GRK3: variants seen among roughly 807,000 people sequenced by gnomAD.
GRK3 encodes the protein G protein-coupled receptor kinase 3, also known as adrenergic, beta, receptor kinase 2.
In GRK3, 54 loss-of-function variants were observed where a neutral mutation model predicts 95.7. That is an observed-to-expected ratio of 0.56 (90% CI 0.45 to 0.71). The LOEUF is 0.71. Among genes scored for constraint, GRK3 ranks in the 30% least tolerant of loss-of-function variants. The pLI, the probability that GRK3 is intolerant of heterozygous loss-of-function variation, is 0.00. For synonymous variants in GRK3, 281 were observed against 290.8 expected (o/e 0.97, Z 0.34); for missense variants, 649 against 851.2 (o/e 0.76, Z 2.96).
chr22:25,703,720 CAAAT>C (rs1352305183), intron 14 of GRK3, 144 bp downstream of exon 14: 12 of 581,762 alleles, frequency 2.1e-5, no homozygotes, highest in Non-Finnish European at 3.2e-5. Context: ...TTTCTTGAAA[CAAAT>C]AAATGCAGAT....
At position 25,726,484 on chromosome 22, in the gene GRK3, AT is replaced by A. The variant is rs2085474991; in HGVS notation, c.*4036del. On this transcript the variant is annotated 3_prime_UTR_variant, in exon 21 of 21. Coordinates refer to ENST00000324198, the MANE Select transcript of GRK3 (RefSeq NM_005160.4). ...TGTGTCATTCAGAGATGCTTGATGA[AT>A]TAACACCTCCCACCCTGAGTGAGGG... The A allele has an allele frequency of 6.6e-6, 1 of 152,166 alleles. No individual in the cohort carries two copies. The highest frequency in any genetic ancestry group is 2.1e-4 in the South Asian group (1 of 4,822). 9.4% of individuals were successfully genotyped at this position (152,166 alleles called of 1,614,324 possible).
chr22:25,722,406 C>T lies in GRK3; in HGVS notation c.2023C>T (p.Leu675Phe). ...CAAACCTCGGTCAGGTACTGTGGAGCTCCCAAAGCCATCCCTCTGTCACAG... is the reference window on the plus strand; with the variant it reads ...CAAACCTCGGTCAGGTACTGTGGAGTTCCCAAAGCCATCCCTCTGTCACAG... ...LNKPRSGTVE[L>F]PKPSLCHRNS... The change falls in exon 21 of 21, where the codon CTC becomes TTC. Residue 675 changes from leucine to phenylalanine, a missense_variant. Leu to Phe is a conservative substitution (Grantham distance 22). Coordinates refer to ENST00000324198, the MANE Select transcript of GRK3 (RefSeq NM_005160.4). The T allele has an allele frequency of 6.2e-7, 1 of 1,614,192 alleles. No homozygotes were observed.
chr22:25,566,660 G>GA (rs1246774846), intron 1 of GRK3, among the ~76,000 whole-genome samples: 2 of 152,006 alleles, frequency 1.3e-5, no homozygotes, highest in Non-Finnish European at 1.5e-5. Context: ...GAAGCTAATT[G>GA]AAAAAAATCA....
At chr22:25,694,629 G>A (rs561922240) in intron 12 of GRK3, among the ~76,000 whole-genome samples, 2 of 152,258 alleles carry the variant, frequency 1.3e-5, no homozygotes, top group East Asian at 3.9e-4. Flanking sequence ...CCATGACCAA[G>A]CCGATGCCCC....
At chr22:25,667,631 T>C in intron 5 of GRK3, 108 bp from the exon 6 acceptor site, 1 of 708,582 alleles carries the variant, frequency 1.4e-6, no homozygotes, top group South Asian at 1.7e-5. Context: ...CACAATGCTA[T>C]GGGGAGTGCA....
chr22:25,643,689 C>T (rs760988794), intron 2 of GRK3, among the ~76,000 whole-genome samples: 12 of 152,208 alleles, frequency 7.9e-5, no homozygotes, highest in Non-Finnish European at 1.5e-4. Flanking sequence ...ATCTAGGCGT[C>T]ACCATTAGGC....
chr22:25,576,842 A>G (rs1931919744), intron 1 of GRK3, among the ~76,000 whole-genome samples: 1 of 152,232 alleles, frequency 6.6e-6, no homozygotes, highest in Admixed American at 6.5e-5. Flanking sequence ...TCATTCAGTA[A>G]AGATTATCCA....
Position 25,716,152 on chromosome 22 carries a change from A to AT in GRK3, c.1654+1591dup, listed in dbSNP as rs544233256. The stretch of plus-strand genomic sequence containing the variant: ...CAGGCGCCCACCACCACGCCTGGCT[A>AT]TTTTTTTTTGTATTTTTAGTAGAGA... On this transcript the variant is annotated intron_variant, in intron 18 of 20. Coordinates refer to ENST00000324198, the MANE Select transcript of GRK3 (RefSeq NM_005160.4). 4.7e-3 allele frequency among the ~76,000 whole-genome samples: 700 copies of AT among 150,516 alleles called. 8 individuals are homozygous for AT. The highest frequency in any genetic ancestry group is 0.031 in the Middle Eastern group (9 of 292).
chr22:25,618,874 A>C (rs1432306170), intron 2 of GRK3, among the ~76,000 whole-genome samples: 1 of 152,106 alleles, frequency 6.6e-6, no homozygotes, highest in Non-Finnish European at 1.5e-5. Flanking sequence ...CTCTAGGCCA[A>C]GAGCCAGCTC....
Position 25,688,652 on chromosome 22 carries a change from G to A in GRK3, c.957+985G>A, listed in dbSNP as rs146914164. On this transcript the variant is annotated intron_variant, in intron 11 of 20. Coordinates refer to ENST00000324198, the MANE Select transcript of GRK3 (RefSeq NM_005160.4). ...CTGTGAGAGCTCACTCACCTTGAAAGCAATGATATAGGAGTATTCTGAGTT... is the reference window on the plus strand; with the variant it reads ...CTGTGAGAGCTCACTCACCTTGAAAACAATGATATAGGAGTATTCTGAGTT... Among the ~76,000 whole-genome samples the A allele has an allele frequency of 3.1e-3, 465 of 152,354 alleles. 4 individuals carry two copies. The highest frequency in any genetic ancestry group is 0.01 in the African/African-American group (424 of 41,590).
At chr22:25,622,877 G>C (rs1349033036) in intron 2 of GRK3, among the ~76,000 whole-genome samples, 2 of 152,174 alleles carry the variant, frequency 1.3e-5, no homozygotes, top group African/African-American at 2.4e-5. Context: ...GCCATAGTTT[G>C]GGGGTAAGTG....
rs542086916 is a variant in GRK3 at position 25,693,774 on chromosome 22, CTTTTT to C, written c.1053-1315_1053-1311del. 6.2e-5 allele frequency among the ~76,000 whole-genome samples: 7 copies of C among 112,848 alleles called. No individual in the cohort carries two copies. The South Asian group carries it at 9.4e-4, about 15-fold the overall frequency. The allele number at this position is 112,848 out of a possible 152,430, so 74.0% of individuals were successfully genotyped here. On this transcript the variant is annotated intron_variant, in intron 12 of 20. Transcript: ENST00000324198. ...GCTGAGCATAAGCAAGTTAAAAATT[CTTTTT>C]TTTTTTTTTTTTTTTTTGAGATGGA... is the stretch of plus-strand genomic sequence containing the variant.
chr22:25,651,176 A>G (rs1010260897), intron 3 of GRK3, among the ~76,000 whole-genome samples: 15 of 152,232 alleles, frequency 9.9e-5, no homozygotes, highest in Non-Finnish European at 2.9e-5. Flanking sequence ...ACAAATTTGA[A>G]TAGCAGCATT....
In GRK3 at chr22:25,710,973, G is replaced by T. The variant is rs1048748338; in HGVS notation, c.1396-95G>T. On this transcript the variant is annotated intron_variant, in intron 16 of 20. Coordinates refer to ENST00000324198, the MANE Select transcript of GRK3 (RefSeq NM_005160.4). ...GACATGCTGCGCAGTGGAGCATGCG[G>T]ATATCTCGCACTGTGCTGTCTTTGT... 7 of 606,930 alleles carry T rather than the reference G, an allele frequency of 1.2e-5. No homozygotes were observed. In the African/African-American group the frequency reaches 1.3e-4, roughly 11 times the overall value. 37.6% of individuals were successfully genotyped at this position (606,930 alleles called of 1,614,324 possible).
chr22:25,617,380 T>C (rs2084547826), intron 2 of GRK3, among the ~76,000 whole-genome samples: 1 of 152,212 alleles, frequency 6.6e-6, no homozygotes, highest in South Asian at 2.1e-4. Context: ...TTTGGCCCTT[T>C]CTCTCAGTGT....
At chr22:25,663,811 G>A (rs2084924837) in intron 5 of GRK3, 107 bp downstream of exon 5, 1 of 745,872 alleles carries the variant, frequency 1.3e-6, no homozygotes, top group Non-Finnish European at 2.3e-6. Flanking sequence ...GCTTTGTAAA[G>A]ACTGTGTTCT....
In GRK3 at chr22:25,661,807, A is replaced by G. The variant is rs1026840773; in HGVS notation, c.366+130A>G. On this transcript the variant is annotated intron_variant, in intron 4 of 20. Transcript: ENST00000324198. Reference sequence around the variant, plus strand: ...AAAATGCACGCCCGGGATGGATCCTATTTCTTCTGCTTTGTTGTTTCCTGG... The same window carrying G: ...AAAATGCACGCCCGGGATGGATCCTGTTTCTTCTGCTTTGTTGTTTCCTGG... 5 of 511,466 alleles carry G rather than the reference A, an allele frequency of 9.8e-6. No individual in the cohort carries two copies. The South Asian group carries it at 1.2e-4, about 12-fold the overall frequency. The allele number at this position is 511,466 out of a possible 1,614,324, so 31.7% of individuals were successfully genotyped here. A position where few individuals can be genotyped will look rare whatever the true frequency, so the allele number is the denominator to read the frequency against.
chr22:25,620,713 GCCT>G (rs2084578404), intron 2 of GRK3, among the ~76,000 whole-genome samples: 1 of 152,128 alleles, frequency 6.6e-6, no homozygotes, highest in African/African-American at 2.4e-5. Flanking sequence ...CAGCAGCTAG[GCCT>G]CCTCCTGGAG....
chr22:25,715,414 G>A (rs1455179218), intron 18 of GRK3, among the ~76,000 whole-genome samples: 1 of 152,042 alleles, frequency 6.6e-6, no homozygotes, highest in Non-Finnish European at 1.5e-5. Context: ...GGGGGGCCGA[G>A]ACAGGAAGAT....
Sources: allele counts gnomAD v4.1 joint callset (sites outside exome capture counted in the v4.1 genomes callset), GRCh38; gene constraint gnomAD v4.1.1; transcripts MANE v1.5; gene names NCBI Gene and HGNC (gene_info 2026-07-23, HGNC 2026-07-21).